The following BMP7 variants were observed in gnomAD, a reference collection of about 807,000 sequenced individuals.
The protein encoded by BMP7 is osteogenic protein 1.
A neutral mutation model predicts 41.2 loss-of-function variants in BMP7; 12 were observed. That is an observed-to-expected ratio of 0.29 (90% CI 0.19 to 0.47). The LOEUF is 0.47. Among genes scored for constraint, BMP7 ranks in the 20% least tolerant of loss-of-function variants. The pLI, the probability that BMP7 is intolerant of heterozygous loss-of-function variation, is 0.99. For missense variants in BMP7, 467 were observed against 606.0 expected (o/e 0.77, Z 2.41); for synonymous variants, 248 against 250.0 (o/e 0.99, Z 0.07).
intron 1 of BMP7, among the ~76,000 whole-genome samples, chr20:57,260,888 G>A (rs181843911): frequency 2.6e-5 from 4 of 152,314 alleles, no homozygotes; most frequent in Admixed American, 2.6e-4. Flanking sequence ...GAATTAATGT[G>A]GCCAGAAGCA....
chr20:57,247,534 G>A (rs187071293), intron 1 of BMP7, among the ~76,000 whole-genome samples: 5 of 152,228 alleles, frequency 3.3e-5, no homozygotes, highest in African/African-American at 7.2e-5. Context: ...TCCAACCAAC[G>A]GGCTTAAGGA....
At chr20:57,236,327 G>A (rs1393949141) in intron 1 of BMP7, among the ~76,000 whole-genome samples, 4 of 152,352 alleles carry the variant, frequency 2.6e-5, no homozygotes, top group African/African-American at 9.6e-5. Context: ...ACAGGAGAGA[G>A]CGCTCAGGAG....
intron 1 of BMP7, among the ~76,000 whole-genome samples, chr20:57,237,971 T>C (rs897113768): frequency 6.6e-6 from 1 of 152,202 alleles, no homozygotes; most frequent in Non-Finnish European, 1.5e-5. Flanking sequence ...ACACAGAATA[T>C]ACAATTTAAC....
intron 2 of BMP7, among the ~76,000 whole-genome samples, chr20:57,205,840 T>C (rs6070026): frequency 0.97 from 147,518 of 152,246 alleles, 71,628 homozygotes; most frequent in East Asian, 1. Context: ...TCAACGTGAA[T>C]GCGTCAACTC....
chr20:57,204,258 G>A (rs1984685653), intron 2 of BMP7, among the ~76,000 whole-genome samples: 1 of 152,176 alleles, frequency 6.6e-6, no homozygotes, highest in African/African-American at 2.4e-5. Context: ...ATCTCCGGTT[G>A]GCTCCAGCCC....
chr20:57,219,229 GTGGTAGCTGGTGTTTGC>G (rs1300507220), intron 2 of BMP7, among the ~76,000 whole-genome samples: 2 of 144,472 alleles, frequency 1.4e-5, no homozygotes, highest in Non-Finnish European at 2.9e-5. Flanking sequence ...GTGGTGTTTG[GTGGTAGCTGGTGTTTGC>G]TGGTAGCTGG....
At position 57,266,263 on chromosome 20, in the gene BMP7, T is replaced by G; in HGVS notation, c.-141A>C. ...CTGCGCCCGCGCCAGACATGGCCCC[T>G]CCCCGGCCGGCCGCGCTCTGCCCGG... On this transcript the variant is annotated 5_prime_UTR_variant, in exon 1 of 7. Transcript: ENST00000395863. The G allele has an allele frequency of 1.2e-6, 1 of 834,250 alleles. No homozygotes were observed. Among genetic ancestry groups the G allele is most frequent in the Non-Finnish European group, 1.6e-6 (1 of 619,870 alleles). The allele number at this position is 834,250 out of a possible 1,614,324, so 51.7% of individuals were successfully genotyped here. A position where few individuals can be genotyped will look rare whatever the true frequency, so the allele number is the denominator to read the frequency against.
At chr20:57,194,239 G>C (rs183184358) in intron 3 of BMP7, among the ~76,000 whole-genome samples, 30 of 152,266 alleles carry the variant, frequency 2.0e-4, no homozygotes, top group African/African-American at 6.5e-4. Context: ...TGTCAACACT[G>C]TCAAGATGAT....
rs1473487915 is a variant in BMP7 at position 57,183,133 on chromosome 20, G to T, written c.958+589C>A. 2.6e-5 allele frequency among the ~76,000 whole-genome samples: 4 copies of T among 152,082 alleles called. No homozygotes were observed. In the East Asian group the frequency reaches 7.7e-4, roughly 29 times the overall value. ...ACCTGTAGTCCCAGCTACTCGGGAG[G>T]CTGAGGCTGAAGAATCACTTGAATC... On this transcript the variant is annotated intron_variant, in intron 4 of 6. Transcript: ENST00000395863.
At chr20:57,186,787 G>A (rs982555555) in intron 3 of BMP7, among the ~76,000 whole-genome samples, 2 of 152,096 alleles carry the variant, frequency 1.3e-5, no homozygotes, top group Admixed American at 6.5e-5. Flanking sequence ...AGCACCAGGG[G>A]GTTCACTTTG....
intron 4 of BMP7, among the ~76,000 whole-genome samples, chr20:57,175,379 G>T (rs1983899915): frequency 1.3e-5 from 2 of 152,190 alleles, no homozygotes; most frequent in Non-Finnish European, 2.9e-5. Flanking sequence ...GGCCACTGCA[G>T]GCACCCTGCT....
intron 1 of BMP7, 39 bp downstream of exon 1, chr20:57,265,666 C>A: frequency 6.4e-7 from 1 of 1,571,442 alleles, no homozygotes. Flanking sequence ...TCAAAGTGCC[C>A]CCGAAAGGAG....
At chr20:57,244,767 G>A (rs1049971698) in intron 1 of BMP7, among the ~76,000 whole-genome samples, 2 of 152,202 alleles carry the variant, frequency 1.3e-5, no homozygotes, top group Admixed American at 1.3e-4. Flanking sequence ...GCAGCCAGGT[G>A]GGGGAAGTGA....
intron 1 of BMP7, among the ~76,000 whole-genome samples, chr20:57,249,871 T>C (rs2066105224): frequency 6.6e-6 from 1 of 152,082 alleles, no homozygotes; most frequent in Non-Finnish European, 1.5e-5. Flanking sequence ...ACTGAGCCCC[T>C]TCCTGCCATG....
chr20:57,198,212 A>G (rs6099495), intron 3 of BMP7, among the ~76,000 whole-genome samples: 493 of 29,244 alleles, frequency 0.017, 4 homozygotes, highest in African/African-American at 0.047. Flanking sequence ...CTCTCCTCTC[A>G]CTCTCCTCTC....
At chr20:57,199,747 C>G (rs894494625) in intron 3 of BMP7, among the ~76,000 whole-genome samples, 1 of 152,212 alleles carries the variant, frequency 6.6e-6, no homozygotes. Context: ...GCCAACTGGC[C>G]ATTATACACT....
chr20:57,243,173 A>G (rs2066076591), intron 1 of BMP7, among the ~76,000 whole-genome samples: 1 of 151,964 alleles, frequency 6.6e-6, no homozygotes, highest in African/African-American at 2.4e-5. Context: ...CTATGTTCTC[A>G]GAGATGTAGG....
chr20:57,204,187 T>C (rs1343920845), intron 2 of BMP7, among the ~76,000 whole-genome samples: 2 of 152,184 alleles, frequency 1.3e-5, no homozygotes, highest in Non-Finnish European at 2.9e-5. Flanking sequence ...CTCGTTGGAA[T>C]GTAACCCACT....
chr20:57,234,049 C>A (rs1450208891), intron 1 of BMP7, among the ~76,000 whole-genome samples: 1 of 152,152 alleles, frequency 6.6e-6, no homozygotes, highest in Non-Finnish European at 1.5e-5. Context: ...TTACAATGCA[C>A]AACTGTTAAG....
Sources: gnomAD v4.1 joint callset for allele counts (sites outside exome capture counted in the v4.1 genomes callset) on GRCh38, gnomAD v4.1.1 for gene constraint, MANE v1.5 for transcripts, NCBI Gene and HGNC (gene_info 2026-07-23, HGNC 2026-07-21) for gene names.